UROS: variants seen among roughly 807,000 people sequenced by gnomAD.
The protein encoded by UROS is uroporphyrinogen-III synthase.
Under a neutral mutation model 33.0 loss-of-function variants are expected in UROS, and 18 were observed. That is an observed-to-expected ratio of 0.55 (90% CI 0.38 to 0.81). The LOEUF is 0.81. Among genes scored for constraint, UROS ranks in the 30% least tolerant of loss-of-function variants. The pLI is 0.00. For missense variants in UROS, 293 were observed against 314.9 expected (o/e 0.93, Z 0.53); for synonymous variants, 114 against 121.1 (o/e 0.94, Z 0.38).
At chr10:125,816,302 T>C (rs1358935027) in intron 2 of UROS, 42 bp from the exon 3 acceptor site, 2 of 1,608,942 alleles carry the variant, frequency 1.2e-6, no homozygotes, top group Admixed American at 3.3e-5. Flanking sequence ...TAGGGCTGTT[T>C]TTAAAATAAG....
chr10:125,820,092 T>C (rs963749177), intron 1 of UROS, among the ~76,000 whole-genome samples: 3 of 152,232 alleles, frequency 2.0e-5, no homozygotes, highest in Admixed American at 2.0e-4. Flanking sequence ...AGTCACCCTT[T>C]TACTGAGCAT....
intron 6 of UROS, among the ~76,000 whole-genome samples, chr10:125,806,011 G>A (rs1852300617): frequency 6.6e-6 from 1 of 152,152 alleles, no homozygotes; most frequent in Admixed American, 6.5e-5. Flanking sequence ...TCTGTCAGGG[G>A]CCTAATTAAG....
intron 6 of UROS, among the ~76,000 whole-genome samples, chr10:125,798,843 C>A (rs548494976): frequency 1.3e-5 from 2 of 152,334 alleles, no homozygotes; most frequent in East Asian, 3.9e-4. Context: ...ATAGTGAGGA[C>A]AGCATAGGAT....
intron 6 of UROS, among the ~76,000 whole-genome samples, chr10:125,803,354 C>T (rs1851998925): frequency 2.0e-5 from 3 of 152,202 alleles, no homozygotes; most frequent in Non-Finnish European, 4.4e-5. Context: ...GCCCCCAGAG[C>T]CTCCAGGACC....
At chr10:125,818,748 C>T (rs990312043) in intron 1 of UROS, among the ~76,000 whole-genome samples, 2 of 152,106 alleles carry the variant, frequency 1.3e-5, no homozygotes, top group African/African-American at 4.8e-5. Context: ...GATTCCTGTA[C>T]ATTGGAAAGG....
At chr10:125,789,997 C>T (rs1455556578) in intron 9 of UROS, among the ~76,000 whole-genome samples, 2 of 152,206 alleles carry the variant, frequency 1.3e-5, no homozygotes, top group Non-Finnish European at 1.5e-5. Flanking sequence ...CAGCCCCTGC[C>T]CAGCACTCCG....
rs375970311 is a variant in UROS, at chr10:125,818,378, A to G, written c.-26-1853T>C. Among the ~76,000 whole-genome samples, 56 of 152,212 alleles carry G rather than the reference A, an allele frequency of 3.7e-4. 1 individual carries two copies. The East Asian group carries it at 7.9e-3, about 22-fold the overall frequency. Reference sequence around the variant, plus strand: ...CATAGTGGCGCATCCCTGTAGTCCTAACTACGCAGGAGGCTGAGGTGGGAG... The same window carrying G: ...CATAGTGGCGCATCCCTGTAGTCCTGACTACGCAGGAGGCTGAGGTGGGAG... On this transcript the variant is annotated intron_variant, in intron 1 of 9. Coordinates refer to ENST00000368797, the MANE Select transcript of UROS (RefSeq NM_000375.3).
intron 9 of UROS, chr10:125,789,348 G>A (rs1428779542): frequency 8.1e-7 from 1 of 1,232,390 alleles, no homozygotes. Context: ...TTCTTCGGGT[G>A]TTGGGGGCCC....
intron 5 of UROS, 39 bp from the exon 6 acceptor site, chr10:125,807,526 A>T (rs1249518342): frequency 6.6e-7 from 1 of 1,517,920 alleles, no homozygotes; most frequent in Non-Finnish European, 9.1e-7. Flanking sequence ...TAACACGGTT[A>T]TTGAAGTCCT....
chr10:125,802,743 C>T, intron 6 of UROS: 1 of 1,412,414 alleles, frequency 7.1e-7, no homozygotes, highest in Middle Eastern at 2.7e-4. Flanking sequence ...TTAGGTACAG[C>T]CCAGGTAGGG....
At chr10:125,793,065 T>C (rs932503847) in intron 9 of UROS, 1 of 152,180 alleles carries the variant, frequency 6.6e-6, no homozygotes, top group African/African-American at 2.4e-5. Context: ...TCAGAGTGTC[T>C]GGAGGGCTGC....
chr10:125,818,012 G>A (rs1456203381), intron 1 of UROS, among the ~76,000 whole-genome samples: 1 of 152,142 alleles, frequency 6.6e-6, no homozygotes, highest in Non-Finnish European at 1.5e-5. Flanking sequence ...GGTTCTCTTA[G>A]GTAATAAAAC....
At chr10:125,800,062 A>G (rs1206654514) in intron 6 of UROS, among the ~76,000 whole-genome samples, 2 of 152,286 alleles carry the variant, frequency 1.3e-5, no homozygotes, top group East Asian at 1.9e-4. Flanking sequence ...ATGATGAGTA[A>G]TAACACTGAA....
intron 7 of UROS, 54 bp downstream of exon 7, chr10:125,798,011 G>A (rs1851510256): frequency 6.2e-7 from 1 of 1,601,814 alleles, no homozygotes; most frequent in Admixed American, 1.7e-5. Context: ...TCACTGCAAA[G>A]GCTCCTGGTG....
At chr10:125,795,277 A>G in intron 8 of UROS, 1 of 445,508 alleles carries the variant, frequency 2.2e-6, no homozygotes, top group Non-Finnish European at 4.2e-6. Context: ...CAATGCCTCT[A>G]GCTCCTGTGG....
downstream of UROS, among the ~76,000 whole-genome samples, chr10:125,787,290 A>C (rs2133793435): frequency 6.6e-6 from 1 of 152,142 alleles, no homozygotes; most frequent in Middle Eastern, 3.4e-3. Flanking sequence ...CTCCTCCTTC[A>C]ATGTGTGCTT....
intron 8 of UROS, chr10:125,795,232 G>T: frequency 1.9e-6 from 1 of 526,570 alleles, no homozygotes; most frequent in Non-Finnish European, 3.4e-6. Context: ...CAGAGGACAT[G>T]GGCATCCCGG....
chr10:125,795,152 T>A (rs1478880985), intron 8 of UROS, 174 bp from the exon 9 acceptor site: 1 of 672,708 alleles, frequency 1.5e-6, no homozygotes, highest in African/African-American at 1.8e-5. Context: ...AGGATTCTGG[T>A]AGGGAACTGT....
rs1850707219 is a variant in UROS at position 125,788,709 on chromosome 10, C to G, written c.*159G>C. On this transcript the variant is annotated 3_prime_UTR_variant, in exon 10 of 10. Coordinates refer to ENST00000368797, the MANE Select transcript of UROS (RefSeq NM_000375.3). ...CGTGCACGTGGGCCTGAGGCCAGCCCCAGGTCAGGTCCCGATCCCCGGTCC... is the reference window on the plus strand; with the variant it reads ...CGTGCACGTGGGCCTGAGGCCAGCCGCAGGTCAGGTCCCGATCCCCGGTCC... 1 of 1,436,274 alleles carries G rather than the reference C, an allele frequency of 7.0e-7. No homozygotes were observed. Among genetic ancestry groups the G allele is most frequent in the South Asian group, 1.5e-5 (1 of 67,516 alleles). The allele number at this position is 1,436,274 out of a possible 1,614,324, so 89.0% of individuals were successfully genotyped here. A position where few individuals can be genotyped will look rare whatever the true frequency, so the allele number is the denominator to read the frequency against.
Sources: allele counts gnomAD v4.1 joint callset (sites outside exome capture counted in the v4.1 genomes callset), GRCh38; gene constraint gnomAD v4.1.1; transcripts MANE v1.5; gene names NCBI Gene and HGNC (gene_info 2026-07-23, HGNC 2026-07-21).